Variants in TMEM132C observed in about 807,000 individuals in gnomAD.
The protein encoded by TMEM132C is protein phosphatase 1, regulatory subunit 152.
TMEM132C carries 29 observed loss-of-function variants against 61.4 expected under a neutral mutation model. The ratio of observed to expected loss-of-function variants is 0.47; its 90% CI spans 0.35 to 0.64. TMEM132C has a LOEUF of 0.64. Ranked by LOEUF, TMEM132C falls within the 30% of genes least tolerant of loss-of-function variation. TMEM132C has a pLI of 0.00. For missense variants in TMEM132C, 1,408 were observed against 1,476.9 expected (o/e 0.95, Z 0.76); for synonymous variants, 656 against 633.1 (o/e 1.04, Z -0.54).
intron 2 of TMEM132C, among the ~76,000 whole-genome samples, chr12:128,491,733 CG>C (rs1871731054): frequency 6.6e-6 from 1 of 152,084 alleles, no homozygotes; most frequent in South Asian, 2.1e-4. Context: ...TTCTCAAGGA[CG>C]AGGTTGTACC....
At position 128,648,378 on chromosome 12, in the gene TMEM132C, G is replaced by A. The variant is rs145691739; in HGVS notation, c.1306-21039G>A. Among the ~76,000 whole-genome samples, 781 of 139,604 alleles carry A rather than the reference G, an allele frequency of 5.6e-3. 6 individuals carry two copies. Among genetic ancestry groups the A allele is most frequent in the African/African-American group, 0.019 (726 of 37,336 alleles). 91.6% of individuals were successfully genotyped at this position (139,604 alleles called of 152,430 possible). ...AGCGTGTTTACTGGAGTCCATCAGCGTTGGATGAGTGTGTTTACTAGATCC... is the reference window on the plus strand; with the variant it reads ...AGCGTGTTTACTGGAGTCCATCAGCATTGGATGAGTGTGTTTACTAGATCC... On this transcript the variant is annotated intron_variant, in intron 4 of 8. Transcript: ENST00000435159.
intron 2 of TMEM132C, among the ~76,000 whole-genome samples, chr12:128,542,901 GTGAGCCACTGTGCCA>G (rs1440515928): frequency 6.6e-6 from 1 of 150,512 alleles, no homozygotes; most frequent in Non-Finnish European, 1.5e-5. Flanking sequence ...GATTATAGGC[GTGAGCCACTGTGCCA>G]TGAGCCACTG....
chr12:128,287,910 C>T (rs774137847), intron 1 of TMEM132C, among the ~76,000 whole-genome samples: 29 of 152,098 alleles, frequency 1.9e-4, no homozygotes, highest in Admixed American at 1.4e-3. Context: ...CAATTTGATC[C>T]GTGTTGATTT....
intron 4 of TMEM132C, among the ~76,000 whole-genome samples, chr12:128,662,018 T>C (rs376328898): frequency 1.3e-5 from 2 of 152,040 alleles, no homozygotes; most frequent in African/African-American, 4.8e-5. Flanking sequence ...GGGAGGGAAA[T>C]TGAGGATCAG....
At chr12:128,530,854 GT>G (rs1408723836) in intron 2 of TMEM132C, among the ~76,000 whole-genome samples, 1 of 152,216 alleles carries the variant, frequency 6.6e-6, no homozygotes, top group African/African-American at 2.4e-5. Context: ...GAAGTGCTAA[GT>G]TTTGAGCATT....
chr12:128,659,733 T>C (rs1044229346), intron 4 of TMEM132C, among the ~76,000 whole-genome samples: 2 of 152,118 alleles, frequency 1.3e-5, no homozygotes, highest in Non-Finnish European at 2.9e-5. Context: ...GAAGACGGAT[T>C]GGATAGATAG....
intron 1 of TMEM132C, among the ~76,000 whole-genome samples, chr12:128,311,030 T>C (rs1158235746): frequency 6.6e-6 from 1 of 152,114 alleles, no homozygotes; most frequent in African/African-American, 2.4e-5. Flanking sequence ...ATATAAAAAA[T>C]AAATGAAAAA....
intron 3 of TMEM132C, among the ~76,000 whole-genome samples, chr12:128,581,053 C>T (rs999034402): frequency 2.0e-5 from 3 of 152,110 alleles, no homozygotes; most frequent in Admixed American, 6.5e-5. Context: ...TCCCACCCTC[C>T]AGAAGCTGAG....
chr12:128,587,645 A>C (rs1875600085), intron 3 of TMEM132C, among the ~76,000 whole-genome samples: 1 of 152,260 alleles, frequency 6.6e-6, no homozygotes, highest in Non-Finnish European at 1.5e-5. Context: ...TTGCACTCTC[A>C]GATTCTCCCA....
At chr12:128,455,825 C>A (rs1351303776) in intron 2 of TMEM132C, among the ~76,000 whole-genome samples, 1 of 152,058 alleles carries the variant, frequency 6.6e-6, no homozygotes, top group Non-Finnish European at 1.5e-5. Context: ...TGTGGGGGAG[C>A]CCGGGGGTAG....
At chr12:128,566,767 A>G (rs1874719569) in intron 3 of TMEM132C, among the ~76,000 whole-genome samples, 1 of 152,208 alleles carries the variant, frequency 6.6e-6, no homozygotes, top group Admixed American at 6.5e-5. Flanking sequence ...TTAGACTCAG[A>G]AAAGACTGCC....
At position 128,267,437 on chromosome 12, in the gene TMEM132C, C is replaced by T. The variant is rs969784931; in HGVS notation, c.35C>T (p.Ala12Val). The T allele has an allele frequency of 4.8e-6, 6 of 1,250,952 alleles. No individual in the cohort carries two copies. The highest frequency in any genetic ancestry group is 5.0e-6 in the Non-Finnish European group (5 of 999,106). The allele number at this position is 1,250,952 out of a possible 1,614,324, so 77.5% of individuals were successfully genotyped here. A position where few individuals can be genotyped will look rare whatever the true frequency, so the allele number is the denominator to read the frequency against. The change falls in exon 1 of 9, where the codon GCG becomes GTG. Residue 12 changes from alanine to valine, a missense_variant. Physicochemically the swap from Ala to Val is moderately conservative, Grantham distance 64 (BLOSUM62 0). Coordinates refer to ENST00000435159, the MANE Select transcript of TMEM132C (RefSeq NM_001136103.3). ...RSEGAAPGPA[A>V]PLCGALSLLL... ...GAGGGTGCGGCCCCCGGGCCGGCGG[C>T]GCCGCTGTGCGGGGCGCTGAGCCTG...
At chr12:128,604,807 TGG>T (rs1464794461) in intron 3 of TMEM132C, among the ~76,000 whole-genome samples, 11 of 146,546 alleles carry the variant, frequency 7.5e-5, no homozygotes, top group East Asian at 6.0e-4. Context: ...AGATAGATGA[TGG>T]ATGGATGGAT....
chr12:128,608,818 C>T (rs1876515632), intron 3 of TMEM132C, among the ~76,000 whole-genome samples: 1 of 152,154 alleles, frequency 6.6e-6, no homozygotes, highest in African/African-American at 2.4e-5. Flanking sequence ...GGATGGAGAG[C>T]CCCTGATTTA....
At chr12:128,594,599 A>C (rs114355301) in intron 3 of TMEM132C, among the ~76,000 whole-genome samples, 168 of 152,312 alleles carry the variant, frequency 1.1e-3, no homozygotes, top group African/African-American at 3.7e-3. Context: ...AATTGGAGAA[A>C]GTGAAAGAAC....
intron 2 of TMEM132C, among the ~76,000 whole-genome samples, chr12:128,527,082 A>G (rs929815605): frequency 6.6e-6 from 1 of 152,202 alleles, no homozygotes; most frequent in African/African-American, 2.4e-5. Context: ...GTGCATCCTC[A>G]TGAAGTCTCT....
At chr12:128,680,471 G>A (rs1460661719) in intron 5 of TMEM132C, among the ~76,000 whole-genome samples, 1 of 152,240 alleles carries the variant, frequency 6.6e-6, no homozygotes, top group Non-Finnish European at 1.5e-5. Flanking sequence ...TATGACAGCT[G>A]CTAACCATGT....
intron 5 of TMEM132C, among the ~76,000 whole-genome samples, chr12:128,686,042 C>CAT (rs1954670970): frequency 2.1e-5 from 2 of 95,484 alleles, no homozygotes; most frequent in African/African-American, 6.2e-5. Context: ...TGTGTATTCG[C>CAT]GCGTGTGTGC....
intron 4 of TMEM132C, among the ~76,000 whole-genome samples, chr12:128,634,522 A>G (rs1954086416): frequency 6.6e-6 from 1 of 152,232 alleles, no homozygotes; most frequent in African/African-American, 2.4e-5. Context: ...AATGGCCCCA[A>G]CACTAACCCA....
Sources: gnomAD v4.1 joint callset for allele counts (sites outside exome capture counted in the v4.1 genomes callset) on GRCh38, gnomAD v4.1.1 for gene constraint, MANE v1.5 for transcripts, NCBI Gene and HGNC (gene_info 2026-07-23, HGNC 2026-07-21) for gene names.